The following ARHGEF18 variants were observed in gnomAD, a reference collection of about 807,000 sequenced individuals.
ARHGEF18 encodes the protein rho guanine nucleotide exchange factor 18.
A neutral mutation model predicts 155.7 loss-of-function variants in ARHGEF18; 93 were observed. The observed-to-expected ratio is 0.60, with a 90% CI of 0.50 to 0.71. ARHGEF18 has a LOEUF of 0.71. Among genes scored for constraint, ARHGEF18 ranks in the 30% least tolerant of loss-of-function variants. ARHGEF18 has a pLI of 0.00. For missense variants in ARHGEF18, 1,593 were observed against 1,816.1 expected, an observed-to-expected ratio of 0.88 and a Z score of 2.23; for synonymous variants, 742 against 753.1, an observed-to-expected ratio of 0.99 and a Z score of 0.24.
chr19:7,413,313 T>G (rs1389651477), intron 10 of ARHGEF18, among the ~76,000 whole-genome samples: 2 of 151,734 alleles, frequency 1.3e-5, no homozygotes, highest in African/African-American at 4.8e-5. Context: ...TTTTTTCTTT[T>G]TTTTTTGAGA....
intron 10 of ARHGEF18, among the ~76,000 whole-genome samples, chr19:7,426,014 A>G (rs996087271): frequency 6.6e-6 from 1 of 151,826 alleles, no homozygotes; most frequent in African/African-American, 2.4e-5. Context: ...ATAAAATAAA[A>G]TAAGAAAATA....
intron 16 of ARHGEF18, 122 bp downstream of exon 16, chr19:7,451,388 G>A (rs1295966326): frequency 4.0e-6 from 3 of 743,596 alleles, no homozygotes; most frequent in East Asian, 3.0e-5. Flanking sequence ...AGTTTGCTGG[G>A]TGCTGGGGTT....
intron 10 of ARHGEF18, among the ~76,000 whole-genome samples, chr19:7,396,002 C>T (rs1229771492): frequency 1.3e-5 from 2 of 152,076 alleles, no homozygotes; most frequent in Non-Finnish European, 2.9e-5. Flanking sequence ...TCCTCCTTCC[C>T]TTCCCGCTCT....
intron 16 of ARHGEF18, 49 bp downstream of exon 16, chr19:7,451,315 G>C (rs1174028695): frequency 2.6e-6 from 4 of 1,539,504 alleles, no homozygotes; most frequent in Non-Finnish European, 3.6e-6. Flanking sequence ...TGCAGCACAG[G>C]GCTCTCTCCG....
chr19:7,419,552 G>T (rs1190664017), intron 10 of ARHGEF18, among the ~76,000 whole-genome samples: 1 of 152,044 alleles, frequency 6.6e-6, no homozygotes, highest in African/African-American at 2.4e-5. Flanking sequence ...CCCTACCCTT[G>T]CCTGCTGCAG....
rs1199421198 is a variant in ARHGEF18 at position 7,409,508 on chromosome 19, ACCT to A, written c.967+26308_967+26310del. On this transcript the variant is annotated intron_variant, in intron 10 of 28. Coordinates refer to ENST00000668164, the MANE Select transcript of ARHGEF18 (RefSeq NM_001367823.1). ...AGTGGTACAATCTCGGCTCACTGTAACCTCCACCTCCTGAGTTCAAGCTATTCT... is the reference window on the plus strand; with the variant it reads ...AGTGGTACAATCTCGGCTCACTGTAACCACCTCCTGAGTTCAAGCTATTCT... Among the ~76,000 whole-genome samples, 4 of 148,296 alleles carry A rather than the reference ACCT, an allele frequency of 2.7e-5. No homozygotes were observed. In the Admixed American group the frequency reaches 2.7e-4, roughly 10 times the overall value.
rs186917952 is a variant in ARHGEF18 at position 7,464,078 on chromosome 19, C to T, written c.2773+123C>T. 2.9e-4 allele frequency: 392 copies of T among 1,359,252 alleles called. 1 individual carries two copies. The African/African-American group carries it at 5.0e-3, about 17-fold the overall frequency. 84.2% of individuals were successfully genotyped at this position (1,359,252 alleles called of 1,614,324 possible). A position where few individuals can be genotyped will look rare whatever the true frequency, so the allele number is the denominator to read the frequency against. On this transcript the variant is annotated intron_variant, in intron 22 of 28. Transcript: ENST00000668164. ...GTTGAGACAGAGTCTTGCTCTGTCACCCAGGCTGGAGTGCAGTGGCGCAAT... is the reference window on the plus strand; with the variant it reads ...GTTGAGACAGAGTCTTGCTCTGTCATCCAGGCTGGAGTGCAGTGGCGCAAT...
chr19:7,478,820 C>G, the ARHGEF18 span, among the ~76,000 whole-genome samples: 4 of 152,338 alleles, frequency 2.6e-5, no homozygotes, highest in East Asian at 3.9e-4. Context: ...AGTGCCATGC[C>G]AGCACCCCCT....
At chr19:7,355,417 G>T (rs753024497) in intron 1 of ARHGEF18, among the ~76,000 whole-genome samples, 2 of 152,190 alleles carry the variant, frequency 1.3e-5, no homozygotes, top group Non-Finnish European at 2.9e-5. Context: ...GGGACAGAGG[G>T]TGCTAAAGGG....
chr19:7,445,556 G>A (rs929278693), intron 14 of ARHGEF18, among the ~76,000 whole-genome samples: 22 of 152,184 alleles, frequency 1.4e-4, no homozygotes, highest in African/African-American at 5.3e-4. Context: ...TGCCCTTCAT[G>A]TGACCTCAAA....
At chr19:7,355,078 A>T (rs1265569205) in intron 1 of ARHGEF18, among the ~76,000 whole-genome samples, 311 of 1,988 alleles carry the variant, frequency 0.16, 4 homozygotes, top group African/African-American at 0.21. Context: ...TCACACACAC[A>T]CACACACACA....
chr19:7,473,561 C>T (rs1192486410), downstream of ARHGEF18, among the ~76,000 whole-genome samples: 4 of 152,022 alleles, frequency 2.6e-5, no homozygotes, highest in Non-Finnish European at 5.9e-5. Context: ...CGTGTAATCC[C>T]AGCACTTTGG....
Position 7,464,687 on chromosome 19 carries a change from G to C in ARHGEF18, c.2901G>C (p.Gln967His), listed in dbSNP as rs1358426546. 6.2e-7 allele frequency: 1 copy of C among 1,613,996 alleles called. No individual in the cohort carries two copies. The highest frequency in any genetic ancestry group is 8.5e-7 in the Non-Finnish European group (1 of 1,179,986). Reference protein sequence around the residue: ...DIPGSSEESPQVVEAPGTESD... With the variant: ...DIPGSSEESPHVVEAPGTESD... ...CTGGGAGCTCTGAGGAATCGCCGCAGGTGGTACGTGGATATCCATTTGCTC... is the reference window on the plus strand; with the variant it reads ...CTGGGAGCTCTGAGGAATCGCCGCACGTGGTACGTGGATATCCATTTGCTC... The change falls in exon 23 of 29, where the codon CAG (glutamine) becomes CAC (histidine). Residue 967 changes from glutamine (Q) to histidine (H), a missense_variant. By Grantham distance (24) the Gln-to-His change is conservative. Coordinates refer to ENST00000668164, the MANE Select transcript of ARHGEF18 (RefSeq NM_001367823.1).
At chr19:7,386,640 G>A (rs1971095956) in intron 10 of ARHGEF18, among the ~76,000 whole-genome samples, 1 of 152,080 alleles carries the variant, frequency 6.6e-6, no homozygotes, top group African/African-American at 2.4e-5. Flanking sequence ...ATGTGCCCCG[G>A]GCAGCAGAAA....
intron 1 of ARHGEF18, among the ~76,000 whole-genome samples, chr19:7,358,294 C>CATCT (rs1215980928): frequency 1.3e-5 from 2 of 151,504 alleles, no homozygotes; most frequent in South Asian, 2.1e-4. Flanking sequence ...TCCATCCATC[C>CATCT]ACTCTTCCAT....
chr19:7,478,304 G>A, the ARHGEF18 span: 23 of 1,609,742 alleles, frequency 1.4e-5, no homozygotes, highest in African/African-American at 2.7e-5. Context: ...GGGTGATCAC[G>A]GGCTCCTACC....
At chr19:7,408,534 A>T (rs1443834775) in intron 10 of ARHGEF18, among the ~76,000 whole-genome samples, 1 of 152,202 alleles carries the variant, frequency 6.6e-6, no homozygotes, top group Non-Finnish European at 1.5e-5. Flanking sequence ...TTGGCGAGGG[A>T]TGCGGGTTAG....
chr19:7,409,331 A>G (rs1972526694), intron 10 of ARHGEF18, among the ~76,000 whole-genome samples: 1 of 150,004 alleles, frequency 6.7e-6, no homozygotes, highest in African/African-American at 2.4e-5. Context: ...GTTTCTTAAA[A>G]AAAAAAAAAA....
chr19:7,376,815 C>G, intron 5 of ARHGEF18, 58 bp downstream of exon 5: 2 of 1,139,546 alleles, frequency 1.8e-6, no homozygotes, highest in Non-Finnish European at 2.2e-6. Flanking sequence ...GGAGCCTGGC[C>G]AACATGGTGA....
Sources: gnomAD v4.1 joint callset for allele counts (sites outside exome capture counted in the v4.1 genomes callset) on GRCh38, gnomAD v4.1.1 for gene constraint, MANE v1.5 for transcripts, NCBI Gene and HGNC (gene_info 2026-07-23, HGNC 2026-07-21) for gene names.